The following SLC25A13 variants were observed in gnomAD, a reference collection of about 807,000 sequenced individuals.
SLC25A13 encodes the protein solute carrier family 25 member 13.
SLC25A13 carries 70 observed loss-of-function variants against 85.5 expected under a neutral mutation model. That is an observed-to-expected ratio of 0.82 (90% CI 0.68 to 1.00). SLC25A13 has a LOEUF of 1.00. Ranked by LOEUF, SLC25A13 falls within the 50% of genes least tolerant of loss-of-function variation. The pLI, the probability that SLC25A13 is intolerant of heterozygous loss-of-function variation, is 0.00. For missense variants in SLC25A13, 765 were observed against 819.8 expected (o/e 0.93, Z 0.82); for synonymous variants, 259 against 288.7 (o/e 0.90, Z 1.04).
chr7:96,168,547 G>A (rs972124270), intron 13 of SLC25A13, among the ~76,000 whole-genome samples: 5 of 152,058 alleles, frequency 3.3e-5, no homozygotes, highest in East Asian at 1.9e-4. Context: ...TAGAAAATAC[G>A]TGCCACAACC....
intron 15 of SLC25A13, 149 bp downstream of exon 15, chr7:96,131,591 CCTT>C: frequency 1.1e-6 from 1 of 935,328 alleles, no homozygotes; most frequent in Non-Finnish European, 1.6e-6. Context: ...TAATTTTTTC[CCTT>C]TTTTTTCAGT....
intron 2 of SLC25A13, among the ~76,000 whole-genome samples, chr7:96,293,685 A>G (rs1288147634): frequency 6.6e-6 from 1 of 152,256 alleles, no homozygotes; most frequent in East Asian, 1.9e-4. Context: ...GAAAATGCTC[A>G]TCATCACTGG....
rs945636104 is a variant in SLC25A13 at position 96,198,867 on chromosome 7, G to T, written c.469-5684C>A. ...TACCACAAAGGAAAATACTTAAGGG[G>T]AAAGAGATGAGGTGGTTGACCATGA... On this transcript the variant is annotated intron_variant, in intron 5 of 17. Transcript: ENST00000265631. Among the ~76,000 whole-genome samples, 4 of 152,334 alleles carry T rather than the reference G, an allele frequency of 2.6e-5. No individual in the cohort carries two copies. In the East Asian group the frequency reaches 7.7e-4, roughly 29 times the overall value.
At chr7:96,154,667 T>C (rs1793185649) in intron 13 of SLC25A13, among the ~76,000 whole-genome samples, 2 of 152,176 alleles carry the variant, frequency 1.3e-5, no homozygotes, top group South Asian at 4.1e-4. Flanking sequence ...CTCCTTCTAC[T>C]TGTAGCTAGG....
intron 13 of SLC25A13, among the ~76,000 whole-genome samples, chr7:96,165,255 G>A (rs1346857551): frequency 1.3e-5 from 2 of 152,082 alleles, no homozygotes; most frequent in Non-Finnish European, 2.9e-5. Flanking sequence ...AAGAAGGGAG[G>A]GATGATGGGA....
At chr7:96,141,832 T>C (rs1415781806) in intron 14 of SLC25A13, among the ~76,000 whole-genome samples, 5 of 152,206 alleles carry the variant, frequency 3.3e-5, no homozygotes, top group African/African-American at 7.2e-5. Context: ...CTGGATAAAA[T>C]CTATTAACAC....
intron 13 of SLC25A13, among the ~76,000 whole-genome samples, chr7:96,148,675 T>C (rs1188104847): frequency 2.0e-5 from 3 of 152,174 alleles, no homozygotes; most frequent in African/African-American, 7.2e-5. Context: ...TGAAGCCTGA[T>C]TTTTTGAAGC....
At position 96,131,745 on chromosome 7, in the gene SLC25A13, G is replaced by A. The variant is rs1792039298; in HGVS notation, c.1589C>T (p.Ala530Val). The change falls in exon 15 of 18, where the codon GCT (alanine) becomes GTT (valine). Residue 530 changes from alanine (A) to valine (V), a missense_variant and splice_region_variant. Ala to Val is a moderately conservative substitution (Grantham distance 64). Transcript: ENST00000265631. ...AGAACTCCATGGGGGACACTCACCA[G>A]CTATGGCACCAGCTAAGAGCAGGCT... ...PGSLLLAGAI[A>V]GMPAASLVTP... 6.2e-7 allele frequency: 1 copy of A among 1,613,926 alleles called. No homozygotes were observed. Among genetic ancestry groups the A allele is most frequent in the Non-Finnish European group, 8.5e-7 (1 of 1,179,990 alleles).
chr7:96,124,325 C>A (rs1791636940), intron 15 of SLC25A13, among the ~76,000 whole-genome samples: 1 of 152,204 alleles, frequency 6.6e-6, no homozygotes, highest in African/African-American at 2.4e-5. Context: ...TTTTCCAAAT[C>A]CCCTTTGCAT....
intron 13 of SLC25A13, among the ~76,000 whole-genome samples, chr7:96,147,081 G>A (rs1440534301): frequency 7.9e-6 from 1 of 126,476 alleles, no homozygotes; most frequent in African/African-American, 5.2e-5. Flanking sequence ...GACACAGAAC[G>A]TATCCAAATG....
intron 4 of SLC25A13, among the ~76,000 whole-genome samples, chr7:96,221,670 A>G (rs1412780536): frequency 6.6e-6 from 1 of 152,180 alleles, no homozygotes; most frequent in East Asian, 1.9e-4. Context: ...TATATATTTA[A>G]TATTAAATTT....
chr7:96,141,334 CT>C (rs1186956173), intron 14 of SLC25A13, among the ~76,000 whole-genome samples: 22 of 152,254 alleles, frequency 1.4e-4, no homozygotes, highest in African/African-American at 4.1e-4. Flanking sequence ...TATCTTTGTT[CT>C]CTTGATAGCT....
intron 3 of SLC25A13, among the ~76,000 whole-genome samples, chr7:96,248,654 A>G (rs1404523547): frequency 6.6e-6 from 1 of 152,232 alleles, no homozygotes; most frequent in African/African-American, 2.4e-5. Context: ...TCACGAGTTC[A>G]GTCTGGGGGC....
At chr7:96,288,638 G>A (rs1049358542) in intron 2 of SLC25A13, among the ~76,000 whole-genome samples, 10 of 152,180 alleles carry the variant, frequency 6.6e-5, no homozygotes, top group African/African-American at 9.7e-5. Context: ...CGCCTCGCTC[G>A]GAGGGTCCCA....
At chr7:96,266,028 T>A (rs1399658350) in intron 3 of SLC25A13, among the ~76,000 whole-genome samples, 1 of 152,130 alleles carries the variant, frequency 6.6e-6, no homozygotes, top group Non-Finnish European at 1.5e-5. Flanking sequence ...CTTCACACTA[T>A]CACCATGCAG....
chr7:96,317,204 T>G (rs1584616441), intron 1 of SLC25A13, among the ~76,000 whole-genome samples: 1 of 152,016 alleles, frequency 6.6e-6, no homozygotes, highest in Non-Finnish European at 1.5e-5. Context: ...TGACCTGAGG[T>G]GATTCACCTG....
intron 1 of SLC25A13, among the ~76,000 whole-genome samples, chr7:96,314,067 G>A (rs753469374): frequency 2.0e-5 from 3 of 151,820 alleles, no homozygotes; most frequent in Non-Finnish European, 4.4e-5. Context: ...TATCTTTGCT[G>A]GGAAGAAAGA....
intron 3 of SLC25A13, among the ~76,000 whole-genome samples, chr7:96,239,234 A>G (rs1463358934): frequency 6.7e-6 from 1 of 149,896 alleles, no homozygotes; most frequent in Non-Finnish European, 1.5e-5. Flanking sequence ...AGGTATATAG[A>G]TGAACCATAA....
chr7:96,193,713 G>A (rs915133783), intron 5 of SLC25A13, among the ~76,000 whole-genome samples: 1 of 152,126 alleles, frequency 6.6e-6, no homozygotes, highest in Non-Finnish European at 1.5e-5. Flanking sequence ...TTTTGGACAG[G>A]GTAAGTCTTT....
Sources: gnomAD v4.1 joint callset for allele counts (sites outside exome capture counted in the v4.1 genomes callset) on GRCh38, gnomAD v4.1.1 for gene constraint, MANE v1.5 for transcripts, NCBI Gene and HGNC (gene_info 2026-07-23, HGNC 2026-07-21) for gene names.